The following EFCAB6 variants were observed in gnomAD, a reference collection of about 807,000 sequenced individuals.
EFCAB6 encodes the protein EF-hand calcium-binding domain-containing protein 6.
EFCAB6 carries 156 observed loss-of-function variants against 169.8 expected under a neutral mutation model. That is an observed-to-expected ratio of 0.92 (90% CI 0.81 to 1.05). The LOEUF (loss-of-function observed/expected upper bound fraction) is 1.05, where lower values mean the gene tolerates loss of function less well. Among genes scored for constraint, EFCAB6 ranks in the 50% least tolerant of loss-of-function variants. The pLI is 0.00. For missense variants in EFCAB6, 1,800 were observed against 1,829.1 expected (o/e 0.98, Z 0.29); for synonymous variants, 698 against 676.4 (o/e 1.03, Z -0.50).
chr22:43,618,170 GAAAGAAAGAAAGAAAGAAAGAAA>G (rs1569256954), intron 20 of EFCAB6, among the ~76,000 whole-genome samples: 132 of 91,718 alleles, frequency 1.4e-3, no homozygotes, highest in African/African-American at 2.3e-3. Context: ...AGGAAGGAAA[GAAAGAAAGAAAGAAAGAAAGAAA>G]GAAAGAAAGA....
chr22:43,780,571 G>A (rs984769564), intron 3 of EFCAB6, among the ~76,000 whole-genome samples: 1 of 150,280 alleles, frequency 6.7e-6, no homozygotes, highest in Non-Finnish European at 1.5e-5. Flanking sequence ...TGTACGATCA[G>A]AAAGTTAGTT....
intron 6 of EFCAB6, among the ~76,000 whole-genome samples, chr22:43,746,238 T>G (rs2060558447): frequency 6.6e-6 from 1 of 152,176 alleles, no homozygotes; most frequent in Non-Finnish European, 1.5e-5. Context: ...GACTACAAAT[T>G]TCTTTACTGA....
chr22:43,740,287 C>A lies in EFCAB6; in HGVS notation c.508-4294G>T, dbSNP rs1322615529. On this transcript the variant is annotated intron_variant, in intron 6 of 31. Transcript: ENST00000262726. Reference sequence around the variant, plus strand: ...CTCCTTTTGTCTTTATGGTCCGTCTCCCCCTCTGAGAGCAAGGTTTGTTCA... The same window carrying A: ...CTCCTTTTGTCTTTATGGTCCGTCTACCCCTCTGAGAGCAAGGTTTGTTCA... 1.3e-5 allele frequency among the ~76,000 whole-genome samples: 2 copies of A among 152,180 alleles called. 1 individual carries two copies. The highest frequency in any genetic ancestry group is 2.9e-5 in the Non-Finnish European group (2 of 68,032).
intron 3 of EFCAB6, among the ~76,000 whole-genome samples, chr22:43,780,214 C>T (rs150002837): frequency 7.9e-5 from 12 of 152,156 alleles, no homozygotes; most frequent in East Asian, 3.9e-4. Context: ...AGGCTGGGTG[C>T]GCTGGCTCAT....
chr22:43,649,393 C>T (rs1223411595), intron 17 of EFCAB6, among the ~76,000 whole-genome samples: 1 of 152,060 alleles, frequency 6.6e-6, no homozygotes, highest in Non-Finnish European at 1.5e-5. Flanking sequence ...GCTATAATGC[C>T]TATTGCTTAT....
rs536851586 is a variant in EFCAB6 at position 43,587,866 on chromosome 22, C to T, written c.3032+2208G>A. On this transcript the variant is annotated intron_variant, in intron 24 of 31. Coordinates refer to ENST00000262726, the MANE Select transcript of EFCAB6 (RefSeq NM_022785.4). ...TCCTAGAGTGTTGACAACAGGAGAC[C>T]AAAGAGTCTTCTCTCGTTGGGTTGC... Among the ~76,000 whole-genome samples, 7 of 152,268 alleles carry T rather than the reference C, an allele frequency of 4.6e-5. No individual in the cohort carries two copies. The South Asian group carries it at 1.2e-3, about 27-fold the overall frequency.
intron 8 of EFCAB6, among the ~76,000 whole-genome samples, chr22:43,721,509 A>G (rs1019110256): frequency 1.3e-5 from 2 of 152,250 alleles, no homozygotes; most frequent in Non-Finnish European, 2.9e-5. Context: ...ATAAGACTAT[A>G]GAAAGCAAAA....
intron 17 of EFCAB6, among the ~76,000 whole-genome samples, chr22:43,645,527 C>T (rs1453279131): frequency 6.6e-6 from 1 of 152,134 alleles, no homozygotes; most frequent in African/African-American, 2.4e-5. Context: ...TATGTAACAG[C>T]AGAGTAACAT....
chr22:43,668,765 T>C lies in EFCAB6; in HGVS notation c.1814+107A>G. The C allele has an allele frequency of 4.6e-6, 5 of 1,088,862 alleles. No individual in the cohort carries two copies. The South Asian group carries it at 1.6e-4, about 35-fold the overall frequency. The allele number at this position is 1,088,862 out of a possible 1,614,324, so 67.5% of individuals were successfully genotyped here. On this transcript the variant is annotated intron_variant, in intron 16 of 31. Coordinates refer to ENST00000262726, the MANE Select transcript of EFCAB6 (RefSeq NM_022785.4). Reference sequence around the variant, plus strand: ...CTTTCTAGTGTGCCATCTTTCTTATTTATAAAATGAAATATTAAAATACTC... The same window carrying C: ...CTTTCTAGTGTGCCATCTTTCTTATCTATAAAATGAAATATTAAAATACTC...
At chr22:43,745,605 G>A (rs184235539) in intron 6 of EFCAB6, among the ~76,000 whole-genome samples, 185 of 152,312 alleles carry the variant, frequency 1.2e-3, no homozygotes, top group African/African-American at 4.2e-3. Context: ...AAGCGGAAGA[G>A]TTCAACACCC....
chr22:43,547,948 T>C (rs745522106), intron 27 of EFCAB6, among the ~76,000 whole-genome samples: 4 of 150,742 alleles, frequency 2.7e-5, no homozygotes, highest in Non-Finnish European at 5.9e-5. Context: ...AAAACAAAAT[T>C]AGCTGGATGT....
At chr22:43,658,503 A>G (rs2056854454) in intron 17 of EFCAB6, among the ~76,000 whole-genome samples, 1 of 152,136 alleles carries the variant, frequency 6.6e-6, no homozygotes, top group African/African-American at 2.4e-5. Context: ...TGCAGACAGG[A>G]GCCGAACTCT....
At chr22:43,797,311 T>C (rs2062546077) in intron 2 of EFCAB6, 1 of 152,568 alleles carries the variant, frequency 6.6e-6, no homozygotes, top group Non-Finnish European at 1.5e-5. Flanking sequence ...GCTATTTCGT[T>C]TCATGCCCTT....
At chr22:43,789,838 G>C (rs2062212087) in intron 2 of EFCAB6, among the ~76,000 whole-genome samples, 1 of 122,212 alleles carries the variant, frequency 8.2e-6, no homozygotes, top group Non-Finnish European at 1.8e-5. Context: ...CTCCTAAGTT[G>C]GCTAACCTTC....
intron 5 of EFCAB6, 25 bp downstream of exon 5, chr22:43,765,280 T>G (rs761641678): frequency 3.2e-6 from 5 of 1,576,308 alleles, no homozygotes; most frequent in Non-Finnish European, 4.4e-6. Flanking sequence ...TTTCACATTT[T>G]CACATGAGCA....
At chr22:43,733,528 G>C (rs750992587) in intron 7 of EFCAB6, among the ~76,000 whole-genome samples, 49 of 152,140 alleles carry the variant, frequency 3.2e-4, no homozygotes, top group Middle Eastern at 3.2e-3. Flanking sequence ...TTTTATGTAG[G>C]TTGGAGAGTA....
rs774586916 is a variant in EFCAB6, at chr22:43,678,011, A to T, written c.1404T>A (p.Ile468=). 6.2e-7 allele frequency: 1 copy of T among 1,613,882 alleles called. No individual in the cohort carries two copies. Among genetic ancestry groups the T allele is most frequent in the Non-Finnish European group, 8.5e-7 (1 of 1,179,922 alleles). The change falls in exon 13 of 32, where the codon ATT becomes ATA. Residue 468 remains isoleucine, a synonymous_variant. Transcript: ENST00000262726. Reference sequence around the variant, plus strand: ...CAAAACTCACCCTACAGTTCTCTTCAATCAGATCAATAAACATGCTGGTGT... The same window carrying T: ...CAAAACTCACCCTACAGTTCTCTTCTATCAGATCAATAAACATGCTGGTGT... ...VVNTSMFIDL[I]EENCRMRKTS... is the part of the protein sequence containing the mutation.
chr22:43,566,980 C>G (rs1301546051), intron 26 of EFCAB6, among the ~76,000 whole-genome samples: 1 of 152,126 alleles, frequency 6.6e-6, no homozygotes, highest in African/African-American at 2.4e-5. Context: ...AGCACTAACT[C>G]TCCTCCCAGG....
chr22:43,717,172 C>A (rs1473082991), intron 8 of EFCAB6, among the ~76,000 whole-genome samples, 200 bp from the exon 9 acceptor site: 1 of 152,048 alleles, frequency 6.6e-6, no homozygotes, highest in Admixed American at 6.5e-5. Flanking sequence ...TACTCACTAT[C>A]TTACTCTAGG....
Sources: gnomAD v4.1 joint callset for allele counts (sites outside exome capture counted in the v4.1 genomes callset) on GRCh38, gnomAD v4.1.1 for gene constraint, MANE v1.5 for transcripts, NCBI Gene and HGNC (gene_info 2026-07-23, HGNC 2026-07-21) for gene names.